Variants in ICE2 observed in about 807,000 individuals in gnomAD.
ICE2 encodes interactor of little elongation complex ELL subunit 2.
In ICE2, 87 loss-of-function variants were observed where a neutral mutation model predicts 105.4. The observed-to-expected ratio is 0.83, with a 90% confidence interval of 0.69 to 0.99. The LOEUF is 0.99. Ranked by LOEUF, ICE2 falls within the 50% of genes least tolerant of loss-of-function variation. ICE2 has a pLI of 0.00. For missense variants in ICE2, 1,323 were observed against 1,146.7 expected (o/e 1.15, Z -2.22); for synonymous variants, 399 against 392.0 (o/e 1.02, Z -0.21).
intron 15 of ICE2, among the ~76,000 whole-genome samples, chr15:60,424,537 C>T (rs377632979): frequency 6.6e-6 from 1 of 152,084 alleles, no homozygotes; most frequent in Non-Finnish European, 1.5e-5. Flanking sequence ...GACAGAGTCT[C>T]GCTCTGTCAC....
intron 12 of ICE2, chr15:60,438,187 C>T (rs1467482883): frequency 2.0e-5 from 3 of 152,072 alleles, no homozygotes; most frequent in African/African-American, 7.2e-5. Context: ...ATGTATTGTA[C>T]CATAGTTAAA....
chr15:60,430,717 G>C (rs1281166817), intron 14 of ICE2, among the ~76,000 whole-genome samples: 1 of 152,174 alleles, frequency 6.6e-6, no homozygotes, highest in Non-Finnish European at 1.5e-5. Context: ...CTAGAGCTTT[G>C]AGATTTTGAC....
intron 9 of ICE2, among the ~76,000 whole-genome samples, chr15:60,450,854 T>C (rs777807272): frequency 9.2e-5 from 14 of 152,208 alleles, no homozygotes; most frequent in Non-Finnish European, 1.9e-4. Flanking sequence ...AGCTAGTGAA[T>C]GGTAATTCCT....
At chr15:60,465,700 A>ATATG (rs1555414804) in intron 5 of ICE2, among the ~76,000 whole-genome samples, 8 of 147,202 alleles carry the variant, frequency 5.4e-5, no homozygotes, top group East Asian at 4.0e-4. Flanking sequence ...TACTACAAAT[A>ATATG]TGTGTGTGTG....
intron 12 of ICE2, 165 bp downstream of exon 12, chr15:60,442,251 T>A: frequency 1.7e-6 from 1 of 583,402 alleles, no homozygotes; most frequent in Non-Finnish European, 2.9e-6. Context: ...TATGATCACA[T>A]GACTATACTC....
At chr15:60,427,334 CAA>C (rs1165224229) in intron 15 of ICE2, among the ~76,000 whole-genome samples, 1 of 152,192 alleles carries the variant, frequency 6.6e-6, no homozygotes, top group Admixed American at 6.5e-5. Flanking sequence ...AATTCTGACT[CAA>C]AGACTTTTGG....
rs575748368 is a variant in ICE2 at position 60,444,962 on chromosome 15, G to A, written c.2296-2417C>T. 4.2e-4 allele frequency among the ~76,000 whole-genome samples: 64 copies of A among 152,292 alleles called. No homozygotes were observed. The South Asian group carries it at 0.012, about 30-fold the overall frequency. ...GGCCTCCAAAAGAGTTGGGATTACAGGCGTGAGCCACCGTGCCTGGCCTAG... is the reference window on the plus strand; with the variant it reads ...GGCCTCCAAAAGAGTTGGGATTACAAGCGTGAGCCACCGTGCCTGGCCTAG... On this transcript the variant is annotated intron_variant, in intron 11 of 15. Transcript: ENST00000261520.
intron 5 of ICE2, among the ~76,000 whole-genome samples, chr15:60,461,742 A>G (rs889637230): frequency 2.0e-5 from 3 of 152,176 alleles, no homozygotes; most frequent in Non-Finnish European, 4.4e-5. Flanking sequence ...TATCCACTGA[A>G]TTATTCTCAA....
At chr15:60,460,423 G>A (rs953568793) in intron 5 of ICE2, among the ~76,000 whole-genome samples, 8 of 152,186 alleles carry the variant, frequency 5.3e-5, no homozygotes, top group African/African-American at 1.2e-4. Context: ...GCTGGAACCC[G>A]CGAGGGAGAG....
chr15:60,427,455 C>T (rs1452373029), intron 15 of ICE2, among the ~76,000 whole-genome samples: 2 of 152,150 alleles, frequency 1.3e-5, no homozygotes, highest in Admixed American at 6.6e-5. Flanking sequence ...GAGTCTCGTT[C>T]TGTAGCCCAG....
Position 60,466,670 on chromosome 15 carries a change from T to C in ICE2, c.452A>G (p.Lys151Arg), listed in dbSNP as rs748936658. 3.1e-6 allele frequency: 5 copies of C among 1,610,544 alleles called. No individual in the cohort carries two copies. The highest frequency in any genetic ancestry group is 3.3e-5 in the Admixed American group (2 of 59,900). The part of the protein sequence containing the change: ...HVNEEVTEFL[K>R]FLQNSAKKCA... ...TTTCTTTGCAGAATTCTGCAAAAAC[T>C]TTAGGAACTCAGTAACTTCTTCGTT... The change falls in exon 5 of 16, where the codon AAG (lysine) becomes AGG (arginine). Residue 151 changes from lysine (K) to arginine (R), a missense_variant. Coordinates refer to ENST00000261520, the MANE Select transcript of ICE2 (RefSeq NM_024611.6).
intron 12 of ICE2, chr15:60,440,333 T>C (rs187305819): frequency 6.6e-5 from 10 of 152,344 alleles, no homozygotes; most frequent in Middle Eastern, 3.4e-3. Context: ...ATCAACTATA[T>C]AGAATTGATA....
intron 2 of ICE2, among the ~76,000 whole-genome samples, chr15:60,476,386 C>T (rs1433049666): frequency 1.3e-5 from 2 of 152,164 alleles, no homozygotes; most frequent in Admixed American, 1.3e-4. Flanking sequence ...TGGAATTCTC[C>T]AGCTCCAATA....
intron 13 of ICE2, among the ~76,000 whole-genome samples, chr15:60,433,789 C>A (rs1290791546): frequency 1.8e-5 from 2 of 111,150 alleles, no homozygotes; most frequent in Admixed American, 1.1e-4. Flanking sequence ...CTGAGCCTGA[C>A]CTCCTCCTTT....
chr15:60,445,524 A>G (rs1728441800), intron 11 of ICE2: 1 of 941,900 alleles, frequency 1.1e-6, no homozygotes, highest in African/African-American at 1.8e-5. Context: ...GAAAATTTTA[A>G]AATTTTATTC....
intron 11 of ICE2, among the ~76,000 whole-genome samples, chr15:60,443,829 C>A (rs192229312): frequency 6.6e-6 from 1 of 152,202 alleles, no homozygotes; most frequent in Admixed American, 6.5e-5. Context: ...TGCAGTGGCT[C>A]ATGCCTATAA....
chr15:60,456,777 G>T lies in ICE2; in HGVS notation c.546C>A (p.Cys182Ter), dbSNP rs768201237. The T allele has an allele frequency of 6.0e-6, 9 of 1,488,348 alleles. No homozygotes were observed. Among genetic ancestry groups the T allele is most frequent in the Non-Finnish European group, 8.0e-6 (9 of 1,118,946 alleles). 92.2% of individuals were successfully genotyped at this position (1,488,348 alleles called of 1,614,324 possible). The change falls in exon 6 of 16, where the codon TGC (cysteine) becomes TGA (stop). Residue 182 changes from cysteine (C) to a stop codon, truncating the protein, a stop_gained. Transcript: ENST00000261520. LOFTEE classifies it high-confidence loss of function. ...RLFTEKILRA[C>*]IEQVKKYSEF... ...CTGAATACTTTTTCACTTGTTCAAT[G>T]CAAGCTCTTAAAATTTTCTGAGAAA...
intron 5 of ICE2, among the ~76,000 whole-genome samples, chr15:60,466,003 C>T (rs1265603600): frequency 6.6e-6 from 1 of 152,088 alleles, no homozygotes; most frequent in African/African-American, 2.4e-5. Context: ...CCACCCACCT[C>T]GGACTCCCAA....
rs2063266196 is a variant in ICE2, at chr15:60,423,294, T to C, written c.*340A>G. The C allele has an allele frequency of 1.2e-5, 2 of 171,302 alleles. No homozygotes were observed. Among genetic ancestry groups the C allele is most frequent in the Non-Finnish European group, 1.3e-5 (1 of 79,896 alleles). The allele number at this position is 171,302 out of a possible 1,614,324, so 10.6% of individuals were successfully genotyped here. A position where few individuals can be genotyped will look rare whatever the true frequency, so the allele number is the denominator to read the frequency against. On this transcript the variant is annotated 3_prime_UTR_variant, in exon 16 of 16. Coordinates refer to ENST00000261520, the MANE Select transcript of ICE2 (RefSeq NM_024611.6). ...CAGACTGGCAATATAACTAACACAA[T>C]ACATAACGATAAGTGTTGTTCTTGA...
Sources: gnomAD v4.1 joint callset for allele counts (sites outside exome capture counted in the v4.1 genomes callset) on GRCh38, gnomAD v4.1.1 for gene constraint, MANE v1.5 for transcripts, NCBI Gene and HGNC (gene_info 2026-07-23, HGNC 2026-07-21) for gene names.